The following CHSY1 variants were observed in gnomAD, a reference collection of about 807,000 sequenced individuals.
CHSY1 encodes the protein N-acetylgalactosaminyl-proteoglycan 3-beta-glucuronosyltransferase 1.
Under a neutral mutation model 59.8 loss-of-function variants are expected in CHSY1, and 13 were observed. The observed-to-expected ratio is 0.22, with a 90% CI of 0.14 to 0.35. CHSY1 has a LOEUF of 0.35. CHSY1 is among the 10% of genes least tolerant of loss of function. CHSY1 has a pLI of 1.00. For synonymous variants in CHSY1, 459 were observed against 401.2 expected, an observed-to-expected ratio of 1.14 and a Z score of -1.72; for missense variants, 947 against 1,030.6, an observed-to-expected ratio of 0.92 and a Z score of 1.11.
chr15:101,203,324 G>C (rs913162106), intron 2 of CHSY1, among the ~76,000 whole-genome samples: 3 of 152,198 alleles, frequency 2.0e-5, no homozygotes, highest in Non-Finnish European at 4.4e-5. Flanking sequence ...AAGTGTGCAG[G>C]AGGATAGAGG....
chr15:101,183,684 G>A (rs897252407), intron 2 of CHSY1, among the ~76,000 whole-genome samples: 2 of 152,186 alleles, frequency 1.3e-5, no homozygotes. Context: ...GGCACCACAC[G>A]GACAGCCCTG....
chr15:101,210,882 A>G (rs1224081036), intron 2 of CHSY1, among the ~76,000 whole-genome samples: 1 of 152,226 alleles, frequency 6.6e-6, no homozygotes, highest in Admixed American at 6.5e-5. Flanking sequence ...AGAGAAACCT[A>G]TACTTGTCAG....
Position 101,216,869 on chromosome 15 carries a change from G to T in CHSY1, c.816+18213C>A, listed in dbSNP as rs575925779. ...TTTACAAAGCACAAAGAGCTAACCTGGATGTATATAAATTTTTACGAAATC... is the reference window on the plus strand; with the variant it reads ...TTTACAAAGCACAAAGAGCTAACCTTGATGTATATAAATTTTTACGAAATC... On this transcript the variant is annotated intron_variant, in intron 2 of 2. Coordinates refer to ENST00000254190, the MANE Select transcript of CHSY1 (RefSeq NM_014918.5). Among the ~76,000 whole-genome samples, 3 of 152,320 alleles carry T rather than the reference G, an allele frequency of 2.0e-5. No individual in the cohort carries two copies. In the East Asian group the frequency reaches 5.8e-4, roughly 29 times the overall value.
At position 101,177,716 on chromosome 15, in the gene CHSY1, C is replaced by T; in HGVS notation, c.2081G>A (p.Gly694Asp). The stretch of plus-strand genomic sequence containing the variant: ...ATCTCCCTTATAAATACACGTGATG[C>T]CAAACCCATAGTTTCTCCAGAAGCC... ...KTGFWRNYGF[G>D]ITCIYKGDLV... Residue 694 changes from glycine to aspartate, a missense_variant, in exon 3 of 3, where the codon GGC becomes GAC. By Grantham distance (94) the Gly-to-Asp change is moderately conservative. Coordinates refer to ENST00000254190, the MANE Select transcript of CHSY1 (RefSeq NM_014918.5). 1 of 1,614,198 alleles carries T rather than the reference C, an allele frequency of 6.2e-7. No homozygotes were observed.
intron 2 of CHSY1, among the ~76,000 whole-genome samples, chr15:101,213,189 T>G (rs28623369): frequency 0.4 from 61,413 of 151,990 alleles, 15,518 homozygotes; most frequent in African/African-American, 0.72. Context: ...AAAAATCAAC[T>G]GTATGGAACA....
At position 101,209,393 on chromosome 15, in the gene CHSY1, T is replaced by C. The variant is rs144542962; in HGVS notation, c.816+25689A>G. On this transcript the variant is annotated intron_variant, in intron 2 of 2. Coordinates refer to ENST00000254190, the MANE Select transcript of CHSY1 (RefSeq NM_014918.5). ...AGTGACTAAGGACATAATGCCAGTG[T>C]TCGTAAAATGCCATCCGTTTTAATA... Among the ~76,000 whole-genome samples, 402 of 152,324 alleles carry C rather than the reference T, an allele frequency of 2.6e-3. 1 individual carries two copies. The highest frequency in any genetic ancestry group is 9.0e-3 in the African/African-American group (373 of 41,578).
At chr15:101,240,268 C>A (rs1018995887) in intron 1 of CHSY1, among the ~76,000 whole-genome samples, 2 of 152,160 alleles carry the variant, frequency 1.3e-5, no homozygotes, top group Non-Finnish European at 2.9e-5. Context: ...AATCGTGATT[C>A]ACCACCATCC....
chr15:101,251,386 G>A lies in CHSY1; in HGVS notation c.71C>T (p.Ser24Leu). ...GGAAGCCCGGGGCAGGACGAGCCGC[G>A]AGGCCAGCACGAAGCCCAGGACGAG... is the stretch of plus-strand genomic sequence containing the variant. Reference protein sequence around the residue: ...LGLVLGFVLASRLVLPRASEL... With the variant: ...LGLVLGFVLALRLVLPRASEL... The change falls in exon 1 of 3, where the codon TCG (serine) becomes TTG (leucine). Residue 24 changes from serine to leucine, a missense_variant. Physicochemically the swap from Ser to Leu is moderately radical, Grantham distance 145. This residue lies in a region of CHSY1 where 232 missense variants were observed against 188.5 expected (regional missense o/e 1.23). Transcript: ENST00000254190. The A allele has an allele frequency of 8.6e-7, 1 of 1,166,476 alleles. No individual in the cohort carries two copies. The highest frequency in any genetic ancestry group is 9.4e-5 in the East Asian group (1 of 10,680). The allele number at this position is 1,166,476 out of a possible 1,614,324, so 72.3% of individuals were successfully genotyped here. A position where few individuals can be genotyped will look rare whatever the true frequency, so the allele number is the denominator to read the frequency against.
At chr15:101,221,770 G>A (rs1031835939) in intron 2 of CHSY1, among the ~76,000 whole-genome samples, 2 of 152,040 alleles carry the variant, frequency 1.3e-5, no homozygotes, top group Non-Finnish European at 2.9e-5. Flanking sequence ...TTAACTATGT[G>A]AAAGAAAAAC....
Position 101,178,435 on chromosome 15 carries a change from C to T in CHSY1, c.1362G>A (p.Leu454=), listed in dbSNP as rs1314771796. ...GAEYILDLLL[L]YKKHKGKKMT... is the part of the protein sequence containing the mutation. ...TTTTCTTCCCTTTGTGCTTTTTGTA[C>T]AGAAGCAGCAGGTCCAGGATGTACT... is the stretch of plus-strand genomic sequence containing the variant. The change falls in exon 3 of 3, where the codon CTG becomes CTA. Residue 454 remains leucine (L), a synonymous_variant. Transcript: ENST00000254190. The T allele has an allele frequency of 6.2e-7, 1 of 1,614,152 alleles. No homozygotes were observed. The highest frequency in any genetic ancestry group is 8.5e-7 in the Non-Finnish European group (1 of 1,179,988).
Position 101,251,405 on chromosome 15 carries a change from G to C in CHSY1, c.52C>G (p.Leu18Val). The change falls in exon 1 of 3, where the codon CTG (leucine) becomes GTG (valine). Residue 18 changes from leucine (L) to valine (V), a missense_variant. Coordinates refer to ENST00000254190, the MANE Select transcript of CHSY1 (RefSeq NM_014918.5). The part of the protein sequence containing the change: ...AWLSVLLGLV[L>V]GFVLASRLVL... Reference sequence around the variant, plus strand: ...AGCCGCGAGGCCAGCACGAAGCCCAGGACGAGCCCGAGCAGCACGCTGAGC... The same window carrying C: ...AGCCGCGAGGCCAGCACGAAGCCCACGACGAGCCCGAGCAGCACGCTGAGC... 6 of 1,158,470 alleles carry C rather than the reference G, an allele frequency of 5.2e-6. No homozygotes were observed. Among genetic ancestry groups the C allele is most frequent in the Admixed American group, 3.1e-5 (1 of 31,796 alleles). 71.8% of individuals were successfully genotyped at this position (1,158,470 alleles called of 1,614,324 possible). A position where few individuals can be genotyped will look rare whatever the true frequency, so the allele number is the denominator to read the frequency against.
intron 1 of CHSY1, among the ~76,000 whole-genome samples, chr15:101,248,532 G>A (rs2039073280): frequency 6.6e-6 from 1 of 152,198 alleles, no homozygotes; most frequent in Non-Finnish European, 1.5e-5. Context: ...CTCCTGGTAG[G>A]CGTTTTCCTT....
At chr15:101,242,411 C>G (rs2039011607) in intron 1 of CHSY1, 1 of 152,270 alleles carries the variant, frequency 6.6e-6, no homozygotes, top group South Asian at 2.1e-4. Flanking sequence ...GTGGTGGGCC[C>G]AAATTCAGCT....
chr15:101,247,962 T>C (rs2039067756), intron 1 of CHSY1, among the ~76,000 whole-genome samples: 1 of 152,198 alleles, frequency 6.6e-6, no homozygotes, highest in African/African-American at 2.4e-5. Context: ...ATTCTGACAT[T>C]TTCAGTATTC....
intron 2 of CHSY1, among the ~76,000 whole-genome samples, chr15:101,189,984 G>A (rs1351770138): frequency 2.0e-5 from 3 of 152,222 alleles, no homozygotes; most frequent in African/African-American, 4.8e-5. Flanking sequence ...TGGGTCATGC[G>A]TTACACTCAG....
At chr15:101,249,007 G>A (rs1453930159) in intron 1 of CHSY1, among the ~76,000 whole-genome samples, 2 of 138,278 alleles carry the variant, frequency 1.4e-5, no homozygotes, top group African/African-American at 2.8e-5. Context: ...GTTTCACCGT[G>A]TTAGCCAGGA....
chr15:101,198,247 C>T (rs1428234209), intron 2 of CHSY1, among the ~76,000 whole-genome samples: 1 of 152,124 alleles, frequency 6.6e-6, no homozygotes, highest in Non-Finnish European at 1.5e-5. Context: ...ACGCTACTGA[C>T]CGGTGAAGGA....
chr15:101,206,343 T>A (rs182410163), intron 2 of CHSY1, among the ~76,000 whole-genome samples: 11 of 152,266 alleles, frequency 7.2e-5, no homozygotes, highest in African/African-American at 2.4e-4. Context: ...AAGACTCATA[T>A]GATCCACTGA....
chr15:101,201,910 A>G (rs142731804), intron 2 of CHSY1, among the ~76,000 whole-genome samples: 2 of 152,336 alleles, frequency 1.3e-5, no homozygotes, highest in Non-Finnish European at 2.9e-5. Flanking sequence ...ATCTCAGGCC[A>G]GCAGCAAGCC....
Sources: gnomAD v4.1 joint callset for allele counts (sites outside exome capture counted in the v4.1 genomes callset) on GRCh38, gnomAD v4.1.1 for gene constraint, gnomAD v4.1.1 regional missense constraint, MANE v1.5 for transcripts, NCBI Gene and HGNC (gene_info 2026-07-23, HGNC 2026-07-21) for gene names.